CFAP20DC: variants seen among roughly 807,000 people sequenced by gnomAD.
CFAP20DC encodes the protein protein CFAP20DC.
In CFAP20DC, 84 loss-of-function variants were observed where a neutral mutation model predicts 101.7. That is an observed-to-expected ratio of 0.83 (90% CI 0.69 to 0.99). The LOEUF (loss-of-function observed/expected upper bound fraction) is 0.99. Ranked by LOEUF, CFAP20DC falls within the 50% of genes least tolerant of loss-of-function variation. CFAP20DC has a pLI of 0.00. For synonymous variants in CFAP20DC, 359 were observed against 351.2 expected (o/e 1.02, Z -0.25); for missense variants, 1,007 against 970.3 (o/e 1.04, Z -0.50).
chr3:58,930,632 G>C (rs1451569856), intron 5 of CFAP20DC, among the ~76,000 whole-genome samples: 1 of 152,180 alleles, frequency 6.6e-6, no homozygotes, highest in Non-Finnish European at 1.5e-5. Context: ...TCAGGACAGA[G>C]CCTTAAACAA....
chr3:58,922,667 T>A (rs1192212220), intron 5 of CFAP20DC, among the ~76,000 whole-genome samples: 1 of 152,170 alleles, frequency 6.6e-6, no homozygotes, highest in African/African-American at 2.4e-5. Flanking sequence ...TCTTCCCAGA[T>A]TCAGATGCCA....
rs375865329 is a variant in CFAP20DC at position 58,841,788 on chromosome 3, G to T, written c.1971+7244C>A. 2.4e-4 allele frequency among the ~76,000 whole-genome samples: 36 copies of T among 152,232 alleles called. No individual in the cohort carries two copies. In the East Asian group the frequency reaches 4.8e-3, roughly 20 times the overall value. On this transcript the variant is annotated intron_variant, in intron 13 of 16. Transcript: ENST00000482387. ...ACAATACCTGAATTTATAATTGGTA[G>T]CATGCTTTGTCTTTCTTATGAAACT...
intron 13 of CFAP20DC, among the ~76,000 whole-genome samples, chr3:58,832,444 A>C (rs556843087): frequency 3.9e-4 from 60 of 152,300 alleles, no homozygotes; most frequent in African/African-American, 1.4e-3. Context: ...AGATTAAGTA[A>C]ATAAACAAAA....
chr3:59,043,288 G>C (rs1037095398), intron 3 of CFAP20DC, among the ~76,000 whole-genome samples: 2 of 152,104 alleles, frequency 1.3e-5, no homozygotes, highest in Non-Finnish European at 2.9e-5. Context: ...AGGAGGCTAA[G>C]AAAGAAGAAC....
intron 4 of CFAP20DC, among the ~76,000 whole-genome samples, chr3:58,938,614 C>A (rs762175810): frequency 6.6e-6 from 1 of 152,148 alleles, no homozygotes; most frequent in Non-Finnish European, 1.5e-5. Context: ...CCCAAGAAGA[C>A]AACATCTCAT....
chr3:58,983,980 T>C (rs1053287941), intron 4 of CFAP20DC, among the ~76,000 whole-genome samples: 4 of 152,206 alleles, frequency 2.6e-5, no homozygotes, highest in Non-Finnish European at 5.9e-5. Flanking sequence ...CTAATGCATA[T>C]GTGTAAGGCA....
Position 58,867,950 on chromosome 3 carries a change from T to C in CFAP20DC, c.1016-14A>G, listed in dbSNP as rs747008118. On this transcript the variant is annotated splice_polypyrimidine_tract_variant and intron_variant, in intron 9 of 16. Coordinates refer to ENST00000482387, the MANE Select transcript of CFAP20DC (RefSeq NM_001394063.1). ...GTAGATTGGCTGCTACATTTTCATA[T>C]CAAAGCACAAAAGCCAGAACAGAAA... 6.3e-7 allele frequency: 1 copy of C among 1,596,924 alleles called. No individual in the cohort carries two copies. The highest frequency in any genetic ancestry group is 8.5e-7 in the Non-Finnish European group (1 of 1,172,722).
intron 11 of CFAP20DC, among the ~76,000 whole-genome samples, chr3:58,865,259 C>CAATGCA (rs955050329): frequency 4.0e-5 from 6 of 151,876 alleles, no homozygotes; most frequent in African/African-American, 1.2e-4. Flanking sequence ...CTAAAGCCTA[C>CAATGCA]AATGCAAAAG....
chr3:59,032,614 G>A (rs1052810065), intron 4 of CFAP20DC, among the ~76,000 whole-genome samples: 10 of 152,174 alleles, frequency 6.6e-5, no homozygotes, highest in African/African-American at 2.4e-4. Flanking sequence ...CACTGCAGCT[G>A]GGCAAAGCTT....
At chr3:58,829,400 G>A (rs551130543) in intron 14 of CFAP20DC, among the ~76,000 whole-genome samples, 2 of 150,758 alleles carry the variant, frequency 1.3e-5, no homozygotes, top group African/African-American at 2.4e-5. Flanking sequence ...CACTGTCCCT[G>A]TGCAACTTTT....
Position 58,736,362 on chromosome 3 carries a change from G to C in CFAP20DC, c.197+17407C>G, listed in dbSNP as rs186701629. 7.8e-4 allele frequency among the ~76,000 whole-genome samples: 119 copies of C among 152,284 alleles called. 1 individual carries two copies. The highest frequency in any genetic ancestry group is 2.8e-3 in the African/African-American group (115 of 41,580). On this transcript the variant is annotated intron_variant, in intron 3 of 3. Transcript: ENST00000486145. ...AAAAACAAATGGTGAAATTTTGATT[G>C]ATTTTCTTTGAGATAATCTTTGGTT...
At chr3:58,847,081 T>A (rs1339616463) in intron 13 of CFAP20DC, among the ~76,000 whole-genome samples, 1 of 113,176 alleles carries the variant, frequency 8.8e-6, no homozygotes, top group Non-Finnish European at 1.8e-5. Flanking sequence ...AACCTAGGCA[T>A]TACCATTCAG....
intron 5 of CFAP20DC, among the ~76,000 whole-genome samples, chr3:58,916,848 A>G (rs2107474275): frequency 6.6e-6 from 1 of 152,300 alleles, no homozygotes; most frequent in East Asian, 1.9e-4. Flanking sequence ...TATTTTCTGA[A>G]GTATTGGAGA....
chr3:58,935,826 G>GA (rs1431388255), intron 5 of CFAP20DC, among the ~76,000 whole-genome samples: 2 of 152,156 alleles, frequency 1.3e-5, no homozygotes, highest in African/African-American at 4.8e-5. Flanking sequence ...AACCCTAGAA[G>GA]AAAACCTAGG....
At chr3:59,046,599 A>AAAAT (rs1263081021) in intron 2 of CFAP20DC, among the ~76,000 whole-genome samples, 2 of 152,240 alleles carry the variant, frequency 1.3e-5, no homozygotes, top group Non-Finnish European at 2.9e-5. Flanking sequence ...GGAGATAAAT[A>AAAAT]AAATAAATAA....
intron 15 of CFAP20DC, among the ~76,000 whole-genome samples, chr3:58,782,428 G>C (rs1285321114): frequency 1.3e-5 from 2 of 151,998 alleles, no homozygotes; most frequent in Non-Finnish European, 2.9e-5. Context: ...GGAAGTCCTA[G>C]CCAGAGTAAT....
intron 14 of CFAP20DC, among the ~76,000 whole-genome samples, chr3:58,816,857 A>G (rs911517836): frequency 6.6e-6 from 1 of 152,156 alleles, no homozygotes; most frequent in African/African-American, 2.4e-5. Context: ...AAACAAAAAG[A>G]CAGCAGTAAC....
At chr3:58,901,253 T>C (rs1180552496) in intron 6 of CFAP20DC, among the ~76,000 whole-genome samples, 1 of 152,202 alleles carries the variant, frequency 6.6e-6, no homozygotes. Flanking sequence ...ACTCATTCAT[T>C]TGCCATGTAA....
rs2084225973 is a variant in CFAP20DC, at chr3:58,912,220, T to C, written c.550+1488A>G. 6.6e-6 allele frequency among the ~76,000 whole-genome samples: 1 copy of C among 152,246 alleles called. No homozygotes were observed. The highest frequency in any genetic ancestry group is 1.9e-4 in the East Asian group (1 of 5,188). On this transcript the variant is annotated intron_variant, in intron 6 of 16. Transcript: ENST00000482387. This position sits in a 1 kb window ranked among gnomAD's most constrained non-coding sequence, Gnocchi z 4.4. ...TGTTTGATCCACTTTTTTCTTTACA[T>C]TTATTTTAAAATATTAATCAGGTTA...
Sources: allele counts gnomAD v4.1 joint callset (sites outside exome capture counted in the v4.1 genomes callset), GRCh38; gene constraint gnomAD v4.1.1; non-coding constraint Gnocchi (gnomAD v3.1); transcripts MANE v1.5; gene names NCBI Gene and HGNC (gene_info 2026-07-23, HGNC 2026-07-21).